Variants in PRKCE observed in about 807,000 individuals in gnomAD.
PRKCE encodes protein kinase C epsilon, also known as protein kinase C epsilon type.
In PRKCE, 16 loss-of-function variants were observed where a neutral mutation model predicts 85.4. That is an observed-to-expected ratio of 0.19 (90% CI 0.13 to 0.28). The LOEUF (loss-of-function observed/expected upper bound fraction) is 0.28, where lower values mean the gene tolerates loss of function less well. Among genes scored for constraint, PRKCE ranks in the 10% least tolerant of loss-of-function variants. The pLI, the probability that PRKCE is intolerant of heterozygous loss-of-function variation, is 1.00. For missense variants in PRKCE, 573 were observed against 975.2 expected, an observed-to-expected ratio of 0.59 and a Z score of 5.49; for synonymous variants, 388 against 371.5, an observed-to-expected ratio of 1.04 and a Z score of -0.51.
At chr2:45,840,209 G>A (rs1042000646) in intron 1 of PRKCE, among the ~76,000 whole-genome samples, 1 of 152,156 alleles carries the variant, frequency 6.6e-6, no homozygotes, top group Non-Finnish European at 1.5e-5. Flanking sequence ...TCATTTTGCC[G>A]GCAGGGTTTA....
At chr2:46,110,341 G>A (rs572054180) in intron 11 of PRKCE, among the ~76,000 whole-genome samples, 1 of 152,212 alleles carries the variant, frequency 6.6e-6, no homozygotes, top group Admixed American at 6.5e-5. Context: ...TTTTGGGGGA[G>A]ATTATTAATT....
At chr2:46,123,142 C>T (rs1574528644) in intron 11 of PRKCE, among the ~76,000 whole-genome samples, 1 of 41,232 alleles carries the variant, frequency 2.4e-5, no homozygotes, top group Non-Finnish European at 4.4e-5. Flanking sequence ...GACTGAAGTT[C>T]ACTAGCAAAA....
At chr2:45,856,201 C>T (rs1055946140) in intron 2 of PRKCE, among the ~76,000 whole-genome samples, 1 of 151,904 alleles carries the variant, frequency 6.6e-6, no homozygotes, top group South Asian at 2.1e-4. Flanking sequence ...TTACCATATC[C>T]CCCTCTCTAA....
chr2:45,939,047 C>T (rs1699689662), intron 2 of PRKCE, among the ~76,000 whole-genome samples: 1 of 152,212 alleles, frequency 6.6e-6, no homozygotes, highest in South Asian at 2.1e-4. Flanking sequence ...GAAATCCAGC[C>T]CACAGCACCC....
At chr2:45,800,457 T>C (rs1687771937) in intron 1 of PRKCE, among the ~76,000 whole-genome samples, 1 of 152,228 alleles carries the variant, frequency 6.6e-6, no homozygotes, top group African/African-American at 2.4e-5. Context: ...GGTAGACCTG[T>C]GGCACCTGGC....
At chr2:45,772,868 C>A (rs1453149118) in intron 1 of PRKCE, among the ~76,000 whole-genome samples, 1 of 152,094 alleles carries the variant, frequency 6.6e-6, no homozygotes, top group Non-Finnish European at 1.5e-5. Flanking sequence ...AACCCTGAGA[C>A]TATGTGCTGT....
intron 1 of PRKCE, 55 bp from the exon 2 acceptor site, chr2:45,842,945 C>T (rs1573574126): frequency 6.5e-7 from 1 of 1,529,022 alleles, no homozygotes; most frequent in Non-Finnish European, 9.1e-7. Context: ...TTGTGGAACT[C>T]TTAGGTTGCC....
intron 1 of PRKCE, among the ~76,000 whole-genome samples, chr2:45,809,781 G>C (rs1688522661): frequency 1.3e-5 from 2 of 151,428 alleles, no homozygotes; most frequent in African/African-American, 4.8e-5. Context: ...TCGAGAGCCT[G>C]AGGCAGGAGG....
chr2:46,010,949 G>C, intron 10 of PRKCE: 1 of 1,405,194 alleles, frequency 7.1e-7, no homozygotes, highest in Non-Finnish European at 9.2e-7. Context: ...CTGAAATAAA[G>C]GATGTGAACA....
At chr2:46,086,014 T>C (rs1303587717) in intron 10 of PRKCE, among the ~76,000 whole-genome samples, 194 bp from the exon 11 acceptor site, 1 of 152,162 alleles carries the variant, frequency 6.6e-6, no homozygotes, top group Non-Finnish European at 1.5e-5. Flanking sequence ...AAAAGTAAAA[T>C]TGTGCTTCAT....
At chr2:45,889,326 A>G (rs566147621) in intron 2 of PRKCE, among the ~76,000 whole-genome samples, 22 of 152,156 alleles carry the variant, frequency 1.4e-4, no homozygotes, top group Non-Finnish European at 2.4e-4. Flanking sequence ...CCCTAGAGAC[A>G]GTGATGAGAA....
intron 10 of PRKCE, among the ~76,000 whole-genome samples, chr2:46,030,875 C>T (rs1707467103): frequency 6.6e-6 from 1 of 152,204 alleles, no homozygotes; most frequent in African/African-American, 2.4e-5. Flanking sequence ...AATATTTCTT[C>T]TCCGTGAAGA....
intron 1 of PRKCE, among the ~76,000 whole-genome samples, chr2:45,657,894 G>A (rs1213545300): frequency 1.3e-5 from 2 of 152,210 alleles, no homozygotes; most frequent in Non-Finnish European, 2.9e-5. Context: ...CCAGGGCACA[G>A]CCTCTAGCAG....
intron 13 of PRKCE, among the ~76,000 whole-genome samples, chr2:46,158,380 G>A (rs138225103): frequency 1.3e-5 from 2 of 152,310 alleles, no homozygotes; most frequent in East Asian, 1.9e-4. Flanking sequence ...AAACTAAGGA[G>A]TATGGACTTC....
chr2:45,991,463 A>T (rs892594870), intron 6 of PRKCE, among the ~76,000 whole-genome samples: 15 of 152,162 alleles, frequency 9.9e-5, no homozygotes, highest in African/African-American at 2.9e-4. Context: ...CTCCGTGCAT[A>T]GTTATATAAT....
intron 1 of PRKCE, among the ~76,000 whole-genome samples, chr2:45,703,027 C>CG (rs950448201): frequency 1.3e-4 from 19 of 151,806 alleles, no homozygotes; most frequent in African/African-American, 3.9e-4. Flanking sequence ...TTTTTCCCCC[C>CG]CCGTCAGGAA....
intron 2 of PRKCE, among the ~76,000 whole-genome samples, chr2:45,975,863 G>C (rs1046709338): frequency 6.6e-6 from 1 of 152,098 alleles, no homozygotes; most frequent in Non-Finnish European, 1.5e-5. Flanking sequence ...AAATGCTCTT[G>C]GTTGGCTTAG....
intron 1 of PRKCE, among the ~76,000 whole-genome samples, chr2:45,836,454 C>G (rs1427738106): frequency 1.3e-5 from 2 of 152,224 alleles, no homozygotes; most frequent in Admixed American, 1.3e-4. Context: ...AATCAGCACC[C>G]CGCAGCTGCT....
chr2:46,105,839 T>G (rs964718312), intron 11 of PRKCE, among the ~76,000 whole-genome samples: 1 of 152,208 alleles, frequency 6.6e-6, no homozygotes, highest in Non-Finnish European at 1.5e-5. Context: ...TACAGTTAAT[T>G]TATGCAGTTA....
Sources: gnomAD v4.1 joint callset for allele counts (sites outside exome capture counted in the v4.1 genomes callset) on GRCh38, gnomAD v4.1.1 for gene constraint, MANE v1.5 for transcripts, NCBI Gene and HGNC (gene_info 2026-07-23, HGNC 2026-07-21) for gene names.